The following SLC1A3 variants were observed in gnomAD, a reference collection of about 807,000 sequenced individuals.
SLC1A3 encodes solute carrier family 1 member 3, also known as excitatory amino acid transporter 1.
In SLC1A3, 21 loss-of-function variants were observed where a neutral mutation model predicts 48.1. That is an observed-to-expected ratio of 0.44 (90% CI 0.31 to 0.63). SLC1A3 has a LOEUF of 0.63. SLC1A3 is among the 20% of genes least tolerant of loss of function. The pLI is 0.08. For synonymous variants in SLC1A3, 239 were observed against 251.4 expected (o/e 0.95, Z 0.47); for missense variants, 546 against 689.0 (o/e 0.79, Z 2.32).
chr5:36,636,045 T>TTTTGTGTGTGTGTGTGTGTGTG (rs1491237235), intron 3 of SLC1A3: 1 of 137,724 alleles, frequency 7.3e-6, no homozygotes, highest in Non-Finnish European at 1.5e-5. Flanking sequence ...AATTAAATGT[T>TTTTGTGTGTGTGTGTGTGTGTG]TGTGTGTGTG....
intron 1 of SLC1A3, chr5:36,607,048 A>T (rs1738976326): frequency 1.3e-5 from 2 of 152,166 alleles, no homozygotes; most frequent in South Asian, 4.1e-4. Context: ...TTTAAAAAAA[A>T]AAAAAATCTG....
intron 4 of SLC1A3, among the ~76,000 whole-genome samples, chr5:36,672,142 T>A (rs2269271): frequency 1.3e-5 from 2 of 152,022 alleles, no homozygotes; most frequent in East Asian, 3.9e-4. Context: ...GCTATAGCCT[T>A]GGGAGGGAAG....
chr5:36,644,960 A>T (rs1217917459), intron 3 of SLC1A3, among the ~76,000 whole-genome samples: 2 of 152,190 alleles, frequency 1.3e-5, no homozygotes, highest in Admixed American at 6.5e-5. Context: ...AGGAATGTGG[A>T]TGCTAAAAGT....
chr5:36,623,660 C>T (rs979286656), intron 2 of SLC1A3, among the ~76,000 whole-genome samples: 2 of 148,958 alleles, frequency 1.3e-5, no homozygotes, highest in East Asian at 2.0e-4. Flanking sequence ...TTGAGACTAC[C>T]GTGACCAACA....
chr5:36,678,311 GC>G (rs1742294436), intron 6 of SLC1A3, among the ~76,000 whole-genome samples: 1 of 152,168 alleles, frequency 6.6e-6, no homozygotes, highest in African/African-American at 2.4e-5. Flanking sequence ...CTCCACAGGA[GC>G]CCCCACTTGG....
At chr5:36,659,587 C>T (rs1741424787) in intron 3 of SLC1A3, among the ~76,000 whole-genome samples, 1 of 152,138 alleles carries the variant, frequency 6.6e-6, no homozygotes, top group Admixed American at 6.5e-5. Context: ...AGGATTCAAG[C>T]CAAGCAGCCC....
intron 8 of SLC1A3, among the ~76,000 whole-genome samples, chr5:36,683,163 A>G (rs1447299241): frequency 4.6e-5 from 7 of 152,206 alleles, no homozygotes; most frequent in Admixed American, 4.6e-4. Flanking sequence ...GGATAGGGGA[A>G]TTACTAGAAA....
chr5:36,670,977 T>C (rs1741966701), intron 3 of SLC1A3, 52 bp from the exon 4 acceptor site: 3 of 1,500,372 alleles, frequency 2.0e-6, no homozygotes, highest in South Asian at 1.1e-5. Flanking sequence ...TGTTTTCCAC[T>C]GGAGAATTCC....
chr5:36,597,233 CTTTTTTTTTTTTTT>C lies in SLC1A3; in HGVS notation c.-96+573_-96+586del, dbSNP rs70976237. On this transcript the variant is annotated intron_variant, in intron 1 of 9. Coordinates refer to the SLC1A3 transcript ENST00000680318. ...CACACCGAAAACTTCTTCTTCCTTTCTTTTTTTTTTTTTTTTTTTTTTTTTTTTTTTGAGACGGA... is the reference window on the plus strand; with the variant it reads ...CACACCGAAAACTTCTTCTTCCTTTCTTTTTTTTTTTTTTTTTGAGACGGA... Among the ~76,000 whole-genome samples the C allele has an allele frequency of 3.0e-4, 14 of 46,114 alleles. 1 individual carries two copies. The South Asian group carries it at 3.6e-3, about 12-fold the overall frequency. The allele number at this position is 46,114 out of a possible 152,430, so 30.3% of individuals were successfully genotyped here.
At chr5:36,656,950 T>C (rs1741309623) in intron 3 of SLC1A3, among the ~76,000 whole-genome samples, 1 of 152,244 alleles carries the variant, frequency 6.6e-6, no homozygotes, top group African/African-American at 2.4e-5. Flanking sequence ...GACTTTTTAA[T>C]AATCATTGTA....
chr5:36,636,045 T>TTGTTTGTGTGTGTGTGTG (rs71604837), intron 3 of SLC1A3: 9 of 137,724 alleles, frequency 6.5e-5, no homozygotes, highest in African/African-American at 2.5e-4. Flanking sequence ...AATTAAATGT[T>TTGTTTGTGTGTGTGTGTG]TGTGTGTGTG....
chr5:36,624,637 T>A (rs952790870), intron 2 of SLC1A3, among the ~76,000 whole-genome samples: 2 of 152,246 alleles, frequency 1.3e-5, no homozygotes, highest in African/African-American at 2.4e-5. Flanking sequence ...GAGCTGTTGC[T>A]GTTAAGGATG....
chr5:36,654,451 C>CCA (rs1741210908), intron 3 of SLC1A3, among the ~76,000 whole-genome samples: 1 of 152,176 alleles, frequency 6.6e-6, no homozygotes, highest in Non-Finnish European at 1.5e-5. Flanking sequence ...GAAAGTTATT[C>CCA]CACACACATT....
intron 9 of SLC1A3, among the ~76,000 whole-genome samples, chr5:36,684,832 G>A (rs555666482): frequency 2.5e-4 from 38 of 152,302 alleles, no homozygotes; most frequent in African/African-American, 8.9e-4. Flanking sequence ...AGACCGGGCA[G>A]ATTACCCAAC....
chr5:36,672,122 C>A (rs979820530), intron 4 of SLC1A3, among the ~76,000 whole-genome samples: 5 of 152,162 alleles, frequency 3.3e-5, no homozygotes, highest in South Asian at 2.1e-4. Flanking sequence ...GCAAAGGGAA[C>A]CCAGAAAGAG....
At chr5:36,656,155 C>G (rs963360804) in intron 3 of SLC1A3, among the ~76,000 whole-genome samples, 2 of 152,126 alleles carry the variant, frequency 1.3e-5, no homozygotes, top group African/African-American at 4.8e-5. Flanking sequence ...TTGCTAGCAA[C>G]TACTGGGTAA....
rs886060544 is a variant in SLC1A3 at position 36,686,575 on chromosome 5, A to AT, written c.*313dup. On this transcript the variant is annotated 3_prime_UTR_variant, in exon 10 of 10. Transcript: ENST00000265113. Reference sequence around the variant, plus strand: ...TGTGGCACACAATCCTATAAATGTGATTTTTTTATATAAGTTAAAGAGACA... The same window carrying AT: ...TGTGGCACACAATCCTATAAATGTGATTTTTTTTATATAAGTTAAAGAGACA... The AT allele has an allele frequency of 6.8e-5, 23 of 339,046 alleles. No individual in the cohort carries two copies. Among genetic ancestry groups the AT allele is most frequent in the Non-Finnish European group, 1.2e-4 (21 of 182,402 alleles). 21.0% of individuals were successfully genotyped at this position (339,046 alleles called of 1,614,324 possible). A position where few individuals can be genotyped will look rare whatever the true frequency, so the allele number is the denominator to read the frequency against.
At chr5:36,606,759 T>A (rs1240743376) in intron 1 of SLC1A3, 24 bp downstream of exon 1, 2 of 152,320 alleles carry the variant, frequency 1.3e-5, no homozygotes, top group Admixed American at 1.3e-4. Flanking sequence ...TCTGTGTTCC[T>A]GCTGGGTTTA....
chr5:36,608,382 A>T lies in SLC1A3; in HGVS notation c.-42A>T. 1 of 1,599,810 alleles carries T rather than the reference A, an allele frequency of 6.3e-7. No individual in the cohort carries two copies. On this transcript the variant is annotated 5_prime_UTR_variant, in exon 2 of 10. Transcript: ENST00000265113. ...TTGGCTTTCTGTGGGTGATTCCCAG[A>T]CACTGAAGTGCAAAGAAGAGACCCT...
Sources: gnomAD v4.1 joint callset for allele counts (sites outside exome capture counted in the v4.1 genomes callset) on GRCh38, gnomAD v4.1.1 for gene constraint, MANE v1.5 for transcripts, NCBI Gene and HGNC (gene_info 2026-07-23, HGNC 2026-07-21) for gene names.